The following ASTN2 variants were observed in gnomAD, a reference collection of about 807,000 sequenced individuals.
The protein encoded by ASTN2 is astrotactin-2.
ASTN2 carries 54 observed loss-of-function variants against 139.8 expected under a neutral mutation model. The observed-to-expected ratio is 0.39, with a 90% CI of 0.31 to 0.48. ASTN2 has a LOEUF of 0.48. ASTN2 is among the 20% of genes least tolerant of loss of function. The pLI, the probability that ASTN2 is intolerant of heterozygous loss-of-function variation, is 0.95. For missense variants in ASTN2, 1,565 were observed against 1,725.1 expected (o/e 0.91, Z 1.64); for synonymous variants, 756 against 719.5 (o/e 1.05, Z -0.81).
At chr9:117,358,858 A>G (rs1284663566) in intron 1 of ASTN2, among the ~76,000 whole-genome samples, 1 of 151,856 alleles carries the variant, frequency 6.6e-6, no homozygotes, top group Non-Finnish European at 1.5e-5. Context: ...TTGAAGTTCT[A>G]TTCATCCTTG....
chr9:117,187,001 C>T (rs988638441), intron 3 of ASTN2, among the ~76,000 whole-genome samples: 3 of 152,080 alleles, frequency 2.0e-5, no homozygotes, highest in East Asian at 3.9e-4. Flanking sequence ...TGTTGGTGCA[C>T]GCCTGTAATC....
At chr9:116,844,587 A>G (rs1266597379) in intron 11 of ASTN2, among the ~76,000 whole-genome samples, 2 of 151,864 alleles carry the variant, frequency 1.3e-5, no homozygotes, top group Admixed American at 1.3e-4. Context: ...CCTACTCAGA[A>G]TTGCTACGGA....
At chr9:116,745,085 G>A (rs566925094) in intron 13 of ASTN2, among the ~76,000 whole-genome samples, 1 of 152,312 alleles carries the variant, frequency 6.6e-6, no homozygotes, top group East Asian at 1.9e-4. Flanking sequence ...ATACCCATGG[G>A]TCCACTCTAA....
At chr9:117,392,245 G>T (rs1489648038) in intron 1 of ASTN2, among the ~76,000 whole-genome samples, 1 of 152,132 alleles carries the variant, frequency 6.6e-6, no homozygotes, top group African/African-American at 2.4e-5. Context: ...GAGATGGAAA[G>T]AAATACATGG....
At position 117,399,062 on chromosome 9, in the gene ASTN2, G is replaced by A. The variant is rs193104950; in HGVS notation, c.442+15435C>T. 2.5e-3 allele frequency among the ~76,000 whole-genome samples: 383 copies of A among 152,302 alleles called. 2 individuals are homozygous for A. Among genetic ancestry groups the A allele is most frequent in the Non-Finnish European group, 4.2e-3 (285 of 68,016 alleles). ...GCCTCCCAAAGTGCTGGGATTACAG[G>A]CGTGAGCCACCGCGCCTGACCCAAA... is the stretch of plus-strand genomic sequence containing the variant. On this transcript the variant is annotated intron_variant, in intron 1 of 22. Coordinates refer to ENST00000313400, the MANE Select transcript of ASTN2 (RefSeq NM_001365068.1).
chr9:117,358,926 T>C (rs933038979), intron 1 of ASTN2, among the ~76,000 whole-genome samples: 1 of 151,970 alleles, frequency 6.6e-6, no homozygotes, highest in Non-Finnish European at 1.5e-5. Context: ...CAAACTCACC[T>C]CTCACTAGCT....
chr9:116,843,659 CAA>C (rs34552965), intron 11 of ASTN2, among the ~76,000 whole-genome samples: 125 of 115,548 alleles, frequency 1.1e-3, no homozygotes, highest in Middle Eastern at 4.5e-3. Flanking sequence ...AACTCTGTCT[CAA>C]AAAAAAAAAA....
At chr9:116,529,868 A>T (rs1473930527) in intron 19 of ASTN2, among the ~76,000 whole-genome samples, 1 of 152,114 alleles carries the variant, frequency 6.6e-6, no homozygotes, top group Non-Finnish European at 1.5e-5. Flanking sequence ...CTTCCCAGCC[A>T]TGGGGAACTG....
intron 11 of ASTN2, among the ~76,000 whole-genome samples, chr9:116,824,949 G>A (rs1831585291): frequency 6.6e-6 from 1 of 152,164 alleles, no homozygotes; most frequent in African/African-American, 2.4e-5. Flanking sequence ...TATTGAAACA[G>A]GGAGGTTTTA....
intron 10 of ASTN2, among the ~76,000 whole-genome samples, chr9:116,884,845 G>A (rs892558799): frequency 8.4e-6 from 1 of 119,040 alleles, no homozygotes; most frequent in East Asian, 2.7e-4. Context: ...AGACGGAGTC[G>A]CACTCTTTCA....
At chr9:117,035,473 C>T (rs1413780543) in intron 6 of ASTN2, among the ~76,000 whole-genome samples, 2 of 152,128 alleles carry the variant, frequency 1.3e-5, no homozygotes, top group South Asian at 2.1e-4. Flanking sequence ...TCTCATCCCC[C>T]TATGTAATAC....
intron 1 of ASTN2, among the ~76,000 whole-genome samples, chr9:117,385,500 G>A (rs1391668886): frequency 6.6e-6 from 1 of 152,192 alleles, no homozygotes; most frequent in Non-Finnish European, 1.5e-5. Context: ...ATTTCCCAGA[G>A]AAGAGCCTTG....
At chr9:116,949,954 A>G (rs1693383572) in intron 10 of ASTN2, among the ~76,000 whole-genome samples, 4 of 152,228 alleles carry the variant, frequency 2.6e-5, no homozygotes, top group Admixed American at 2.6e-4. Flanking sequence ...GAAAATGTTC[A>G]ATAAACAGCA....
chr9:116,703,110 TC>T (rs1827889936), intron 16 of ASTN2, among the ~76,000 whole-genome samples: 1 of 151,622 alleles, frequency 6.6e-6, no homozygotes, highest in Non-Finnish European at 1.5e-5. Flanking sequence ...GTAAAAGTGT[TC>T]CTATTTCTCC....
At chr9:117,303,199 C>T (rs766679444) in intron 1 of ASTN2, among the ~76,000 whole-genome samples, 1 of 152,138 alleles carries the variant, frequency 6.6e-6, no homozygotes, top group Non-Finnish European at 1.5e-5. Context: ...CCAGGAATTG[C>T]TTTTATCTCC....
intron 17 of ASTN2, among the ~76,000 whole-genome samples, chr9:116,621,414 T>TACACACAC (rs56109422): frequency 7.0e-6 from 1 of 142,168 alleles, no homozygotes; most frequent in Non-Finnish European, 1.5e-5. Context: ...TTAAAACACA[T>TACACACAC]ACACACACAC....
intron 17 of ASTN2, among the ~76,000 whole-genome samples, chr9:116,642,097 C>T (rs1260566814): frequency 8.5e-6 from 1 of 117,202 alleles, no homozygotes; most frequent in Non-Finnish European, 1.6e-5. Context: ...CCAGAATTAC[C>T]TGGGGAGGCT....
At chr9:117,279,907 C>A (rs1330332777) in intron 2 of ASTN2, among the ~76,000 whole-genome samples, 2 of 152,100 alleles carry the variant, frequency 1.3e-5, no homozygotes, top group African/African-American at 2.4e-5. Context: ...TTCCCCTGTG[C>A]CTTCTCTTCC....
intron 19 of ASTN2, among the ~76,000 whole-genome samples, chr9:116,535,439 G>A (rs1023321891): frequency 9.2e-5 from 14 of 152,152 alleles, no homozygotes; most frequent in Admixed American, 3.3e-4. Context: ...GTTAGTTGAT[G>A]CAGTTTCCTC....
Sources: gnomAD v4.1 joint callset for allele counts (sites outside exome capture counted in the v4.1 genomes callset) on GRCh38, gnomAD v4.1.1 for gene constraint, MANE v1.5 for transcripts, NCBI Gene and HGNC (gene_info 2026-07-23, HGNC 2026-07-21) for gene names.